The following HS3ST4 variants were observed in gnomAD, a reference collection of about 807,000 sequenced individuals.
The protein encoded by HS3ST4 is heparan sulfate-glucosamine 3-sulfotransferase 4.
A neutral mutation model predicts 29.2 loss-of-function variants in HS3ST4; 17 were observed. That is an observed-to-expected ratio of 0.58 (90% CI 0.40 to 0.87). The LOEUF (loss-of-function observed/expected upper bound fraction) is 0.87, where lower values mean the gene tolerates loss of function less well. HS3ST4 is among the 40% of genes least tolerant of loss of function. The pLI is 0.00. For missense variants in HS3ST4, 627 were observed against 634.5 expected, an observed-to-expected ratio of 0.99 and a Z score of 0.13; for synonymous variants, 314 against 285.7, an observed-to-expected ratio of 1.10 and a Z score of -1.00.
Position 25,873,516 on chromosome 16 carries a change from ATCTATCTG to A in HS3ST4, c.734+180373_734+180380del, listed in dbSNP as rs1178852305. Among the ~76,000 whole-genome samples, 373 of 134,804 alleles carry A rather than the reference ATCTATCTG, an allele frequency of 2.8e-3. 1 individual carries two copies. Among genetic ancestry groups the A allele is most frequent in the Non-Finnish European group, 3.2e-3 (200 of 62,058 alleles). The allele number at this position is 134,804 out of a possible 152,430, so 88.4% of individuals were successfully genotyped here. On this transcript the variant is annotated intron_variant, in intron 1 of 1. Coordinates refer to ENST00000331351, the MANE Select transcript of HS3ST4 (RefSeq NM_006040.3). ...TATCTATCTATCTATCTATCTATCT[ATCTATCTG>A]TCTATCTATCTATCTTTCTCTATCT...
chr16:25,928,637 A>G (rs942860448), intron 1 of HS3ST4, among the ~76,000 whole-genome samples: 2 of 152,098 alleles, frequency 1.3e-5, no homozygotes, highest in African/African-American at 4.8e-5. Flanking sequence ...CCACTTTCTT[A>G]GTCATCTCCT....
rs527671921 is a variant in HS3ST4 at position 26,072,720 on chromosome 16, TATG to T, written c.735-62889_735-62887del. Among the ~76,000 whole-genome samples the T allele has an allele frequency of 3.9e-5, 6 of 152,374 alleles. No homozygotes were observed. The South Asian group carries it at 8.3e-4, about 21-fold the overall frequency. ...TATTTTTTGTGTACAATGTGTATTT[TATG>T]ATAAGATCCTAGAATAGTAATGTAA... On this transcript the variant is annotated intron_variant, in intron 1 of 1. Coordinates refer to ENST00000331351, the MANE Select transcript of HS3ST4 (RefSeq NM_006040.3).
chr16:26,015,813 A>C lies in HS3ST4; in HGVS notation c.735-119799A>C, dbSNP rs115781636. ...CCTTTCTTTAGAGGCCAAATTCCTT[A>C]CTTCACAAGATGTCTTTCCAATTTG... On this transcript the variant is annotated intron_variant, in intron 1 of 1. Coordinates refer to ENST00000331351, the MANE Select transcript of HS3ST4 (RefSeq NM_006040.3). Among the ~76,000 whole-genome samples the C allele has an allele frequency of 3.9e-3, 601 of 152,332 alleles. 5 individuals carry two copies. Among genetic ancestry groups the C allele is most frequent in the African/African-American group, 0.014 (582 of 41,580 alleles).
chr16:25,911,080 G>T (rs532876712), intron 1 of HS3ST4, among the ~76,000 whole-genome samples: 25 of 152,314 alleles, frequency 1.6e-4, no homozygotes, highest in Admixed American at 8.5e-4. Context: ...TGACGTTGCT[G>T]CAGTTTATTG....
intron 1 of HS3ST4, among the ~76,000 whole-genome samples, chr16:25,959,859 G>C (rs1968777079): frequency 6.6e-6 from 1 of 152,136 alleles, no homozygotes. Context: ...CTGGGGTCGG[G>C]CGCAGTGGCT....
At chr16:25,915,167 C>T (rs143076635) in intron 1 of HS3ST4, among the ~76,000 whole-genome samples, 2 of 152,194 alleles carry the variant, frequency 1.3e-5, no homozygotes, top group East Asian at 1.9e-4. Context: ...CAGTGCTCTA[C>T]GACGTGCTTC....
At chr16:25,857,800 G>A (rs865969814) in intron 1 of HS3ST4, among the ~76,000 whole-genome samples, 1 of 152,040 alleles carries the variant, frequency 6.6e-6, no homozygotes, top group African/African-American at 2.4e-5. Flanking sequence ...CTACATAGAA[G>A]TACTCATAGC....
chr16:26,043,118 T>G (rs1379559815), intron 1 of HS3ST4, among the ~76,000 whole-genome samples: 3 of 152,172 alleles, frequency 2.0e-5, no homozygotes, highest in African/African-American at 7.2e-5. Context: ...TATACCTACC[T>G]ACCTGTGCGT....
At chr16:25,879,652 A>T (rs1967873040) in intron 1 of HS3ST4, among the ~76,000 whole-genome samples, 1 of 152,156 alleles carries the variant, frequency 6.6e-6, no homozygotes, top group Non-Finnish European at 1.5e-5. Context: ...GGGTGAGGAC[A>T]CAGAGACTAA....
intron 1 of HS3ST4, among the ~76,000 whole-genome samples, chr16:25,720,472 C>T (rs544326891): frequency 3.9e-5 from 6 of 152,172 alleles, no homozygotes; most frequent in South Asian, 2.1e-4. Context: ...GCAAGGTTAC[C>T]GTAGGACCCC....
intron 1 of HS3ST4, among the ~76,000 whole-genome samples, chr16:25,811,611 T>C (rs908367702): frequency 2.6e-5 from 4 of 151,870 alleles, no homozygotes; most frequent in African/African-American, 9.7e-5. Flanking sequence ...TTTTGTATTT[T>C]TAGTAGAGAC....
At chr16:25,758,435 T>C (rs1966770217) in intron 1 of HS3ST4, among the ~76,000 whole-genome samples, 1 of 152,194 alleles carries the variant, frequency 6.6e-6, no homozygotes, top group Middle Eastern at 3.2e-3. Context: ...TTGCTGTCTC[T>C]TATGTCATCG....
chr16:25,693,701 A>G (rs537030849), intron 1 of HS3ST4, among the ~76,000 whole-genome samples: 1 of 152,324 alleles, frequency 6.6e-6, no homozygotes, highest in South Asian at 2.1e-4. Context: ...CTAGTAAAGA[A>G]AGGATGCCTC....
At chr16:25,851,979 ACAGAGGTAT>A (rs1273195054) in intron 1 of HS3ST4, among the ~76,000 whole-genome samples, 1 of 152,220 alleles carries the variant, frequency 6.6e-6, no homozygotes, top group Non-Finnish European at 1.5e-5. Flanking sequence ...TTGCTCAGTA[ACAGAGGTAT>A]CATATGGGTT....
At chr16:25,908,079 A>G (rs1389863055) in intron 1 of HS3ST4, among the ~76,000 whole-genome samples, 1 of 152,210 alleles carries the variant, frequency 6.6e-6, no homozygotes, top group Non-Finnish European at 1.5e-5. Flanking sequence ...AGAATGAATC[A>G]TAGGTGTGGA....
At chr16:25,909,226 C>A (rs1307643700) in intron 1 of HS3ST4, among the ~76,000 whole-genome samples, 1 of 152,118 alleles carries the variant, frequency 6.6e-6, no homozygotes, top group Non-Finnish European at 1.5e-5. Flanking sequence ...TCTTGCTCTG[C>A]AGCCCAGGCT....
intron 1 of HS3ST4, among the ~76,000 whole-genome samples, chr16:25,785,097 T>C (rs1177354967): frequency 6.6e-6 from 1 of 152,230 alleles, no homozygotes; most frequent in Non-Finnish European, 1.5e-5. Flanking sequence ...CTGTTTACAG[T>C]GTGGTTTACT....
intron 1 of HS3ST4, among the ~76,000 whole-genome samples, chr16:25,846,718 G>T (rs1351479144): frequency 1.3e-5 from 2 of 152,028 alleles, no homozygotes; most frequent in East Asian, 1.9e-4. Context: ...TATAGCCATA[G>T]TTTTGATTAT....
intron 1 of HS3ST4, among the ~76,000 whole-genome samples, chr16:26,093,193 G>A (rs909965975): frequency 6.6e-6 from 1 of 152,200 alleles, no homozygotes; most frequent in African/African-American, 2.4e-5. Context: ...GACAACTTCT[G>A]CAGATTTAAG....
Sources: gnomAD v4.1 joint callset for allele counts (sites outside exome capture counted in the v4.1 genomes callset) on GRCh38, gnomAD v4.1.1 for gene constraint, MANE v1.5 for transcripts, NCBI Gene and HGNC (gene_info 2026-07-23, HGNC 2026-07-21) for gene names.